Variants in DAB1 observed in about 807,000 individuals in gnomAD.
The protein encoded by DAB1 is DAB adaptor protein 1.
DAB1 carries 15 observed loss-of-function variants against 64.6 expected under a neutral mutation model. The ratio of observed to expected loss-of-function variants is 0.23; its 90% CI spans 0.16 to 0.36. The LOEUF (loss-of-function observed/expected upper bound fraction) is 0.36. DAB1 is among the 10% of genes least tolerant of loss of function. The probability of loss-of-function intolerance (pLI) is 1.00; values close to 1 mark genes in which losing one functional copy is unlikely to be tolerated. For synonymous variants in DAB1, 235 were observed against 251.9 expected (o/e 0.93, Z 0.64); for missense variants, 596 against 706.7 (o/e 0.84, Z 1.78).
At chr1:57,698,605 ATTGT>A (rs1166891514) in intron 6 of DAB1, among the ~76,000 whole-genome samples, 2 of 152,168 alleles carry the variant, frequency 1.3e-5, no homozygotes, top group Non-Finnish European at 2.9e-5. Flanking sequence ...ACCTGCAATA[ATTGT>A]TTGTTGAATG....
At chr1:57,223,881 G>A (rs1667066950) in intron 2 of DAB1, among the ~76,000 whole-genome samples, 1 of 152,114 alleles carries the variant, frequency 6.6e-6, no homozygotes, top group Admixed American at 6.5e-5. Flanking sequence ...CTGACACCTT[G>A]CTTCTGCAGG....
chr1:57,887,786 T>C (rs1023852321), upstream of DAB1, among the ~76,000 whole-genome samples: 2 of 152,198 alleles, frequency 1.3e-5, no homozygotes, highest in African/African-American at 4.8e-5. Context: ...CAAATGAATA[T>C]AATCTCCTTC....
At chr1:57,718,154 T>G (rs1647106983) in intron 6 of DAB1, among the ~76,000 whole-genome samples, 1 of 152,158 alleles carries the variant, frequency 6.6e-6, no homozygotes, top group South Asian at 2.1e-4. Flanking sequence ...AGAGAAGATT[T>G]TGAATGTTAT....
intron 7 of DAB1, among the ~76,000 whole-genome samples, chr1:57,476,743 A>G (rs1211864208): frequency 1.3e-5 from 2 of 152,182 alleles, no homozygotes; most frequent in Non-Finnish European, 2.9e-5. Flanking sequence ...ACATGGTATA[A>G]AAAGTGACAT....
At chr1:57,864,092 A>G (rs1222078638) in intron 1 of DAB1, among the ~76,000 whole-genome samples, 1 of 152,196 alleles carries the variant, frequency 6.6e-6, no homozygotes, top group Non-Finnish European at 1.5e-5. Flanking sequence ...GAGCAGAGTA[A>G]GGAGTGGGTG....
At chr1:58,249,801 T>C (rs919237994) in intron 4 of DAB1, among the ~76,000 whole-genome samples, 2 of 152,070 alleles carry the variant, frequency 1.3e-5, no homozygotes, top group Non-Finnish European at 2.9e-5. Context: ...GGATTCCGCT[T>C]GGGGGGTTCC....
At chr1:58,033,482 C>T (rs534170810) in intron 5 of DAB1, among the ~76,000 whole-genome samples, 45 of 152,268 alleles carry the variant, frequency 3.0e-4, no homozygotes, top group East Asian at 2.1e-3. Context: ...TGTTTCCTAT[C>T]GGGAATATGA....
intron 2 of DAB1, among the ~76,000 whole-genome samples, chr1:57,149,293 G>C (rs1038438940): frequency 6.6e-6 from 1 of 152,112 alleles, no homozygotes; most frequent in Non-Finnish European, 1.5e-5. Context: ...GAACATTTGT[G>C]TACAAGTTTT....
rs1004014145 is a variant in DAB1 at position 57,291,140 on chromosome 1, G to T, written c.-110C>A. ...CCCTTCAGAAATGACACTCTGAGCT[G>T]CACATTTCATTCACTCTTTTTGAGT... On this transcript the variant is annotated 5_prime_UTR_variant, in exon 2 of 15. It introduces an in-frame stop codon into an upstream open reading frame of the 5' UTR. Coordinates refer to ENST00000371236, the MANE Select transcript of DAB1 (RefSeq NM_001365792.1). 9 of 586,688 alleles carry T rather than the reference G, an allele frequency of 1.5e-5. No individual in the cohort carries two copies. The highest frequency in any genetic ancestry group is 9.1e-5 in the South Asian group (3 of 33,096). 36.3% of individuals were successfully genotyped at this position (586,688 alleles called of 1,614,324 possible). A position where few individuals can be genotyped will look rare whatever the true frequency, so the allele number is the denominator to read the frequency against.
chr1:57,686,694 G>C (rs555854202), intron 6 of DAB1, among the ~76,000 whole-genome samples: 2 of 152,234 alleles, frequency 1.3e-5, no homozygotes, highest in South Asian at 4.2e-4. Context: ...ACATATAAAA[G>C]TTAATACACC....
intron 4 of DAB1, among the ~76,000 whole-genome samples, chr1:58,227,134 A>G (rs979987445): frequency 5.3e-5 from 8 of 152,200 alleles, no homozygotes; most frequent in African/African-American, 1.9e-4. Flanking sequence ...AATATCTGGG[A>G]AAGGTTTGTT....
chr1:58,000,272 A>G (rs1646486723), intron 5 of DAB1, among the ~76,000 whole-genome samples: 1 of 152,236 alleles, frequency 6.6e-6, no homozygotes, highest in African/African-American at 2.4e-5. Context: ...GTAATGTGGC[A>G]TTTCAAAAGC....
chr1:57,789,532 T>C (rs568248816), intron 6 of DAB1, among the ~76,000 whole-genome samples: 1 of 152,290 alleles, frequency 6.6e-6, no homozygotes, highest in South Asian at 2.1e-4. Context: ...TGTAGTTGGC[T>C]GTCTTCCTCG....
At chr1:58,219,577 T>C (rs1659049723) in intron 4 of DAB1, among the ~76,000 whole-genome samples, 1 of 152,170 alleles carries the variant, frequency 6.6e-6, no homozygotes, top group African/African-American at 2.4e-5. Context: ...CCTCAGGATC[T>C]CCTGCACACA....
At chr1:57,879,969 TAC>T (rs1491130944) in intron 1 of DAB1, 2 of 152,202 alleles carry the variant, frequency 1.3e-5, no homozygotes, top group Non-Finnish European at 2.9e-5. Context: ...TGACGCTAAT[TAC>T]AGTTTGCTAA....
intron 1 of DAB1, among the ~76,000 whole-genome samples, chr1:57,328,829 C>CCATGTGG (rs1444109749): frequency 6.6e-6 from 1 of 152,134 alleles, no homozygotes; most frequent in African/African-American, 2.4e-5. Context: ...TAACATCTGC[C>CCATGTGG]CATGTGGCAT....
chr1:57,537,402 G>C (rs1337455496), intron 7 of DAB1, among the ~76,000 whole-genome samples: 2 of 152,198 alleles, frequency 1.3e-5, no homozygotes, highest in Admixed American at 1.3e-4. Context: ...ATCACCCCAG[G>C]TTGAGAAACA....
chr1:57,903,129 C>A lies in DAB1; in HGVS notation n.388-18967G>T, dbSNP rs547087753. On this transcript the variant is annotated intron_variant and non_coding_transcript_variant, in intron 5 of 20. Transcript: ENST00000485760. Reference sequence around the variant, plus strand: ...GAGAACAGCACAGGAAAGACCCACCCCCATGATTCAATTACCTCCCACCAG... The same window carrying A: ...GAGAACAGCACAGGAAAGACCCACCACCATGATTCAATTACCTCCCACCAG... Among the ~76,000 whole-genome samples, 3 of 152,226 alleles carry A rather than the reference C, an allele frequency of 2.0e-5. No homozygotes were observed. In the South Asian group the frequency reaches 6.2e-4, roughly 32 times the overall value.
chr1:57,059,974 C>A (rs1650214961), intron 9 of DAB1, among the ~76,000 whole-genome samples: 1 of 152,108 alleles, frequency 6.6e-6, no homozygotes, highest in Non-Finnish European at 1.5e-5. Context: ...TTGGGAGCCA[C>A]TGCATGCCAT....
Sources: allele counts gnomAD v4.1 joint callset (sites outside exome capture counted in the v4.1 genomes callset), GRCh38; gene constraint gnomAD v4.1.1; transcripts MANE v1.5; gene names NCBI Gene and HGNC (gene_info 2026-07-23, HGNC 2026-07-21).